Variants in MAN1C1 observed in about 807,000 individuals in gnomAD.
MAN1C1 encodes mannosidase alpha class 1C member 1.
A neutral mutation model predicts 71.5 loss-of-function variants in MAN1C1; 49 were observed. The observed-to-expected ratio is 0.69, with a 90% CI of 0.54 to 0.87. MAN1C1 has a LOEUF of 0.87. MAN1C1 is among the 40% of genes least tolerant of loss of function. The pLI, the probability that MAN1C1 is intolerant of heterozygous loss-of-function variation, is 0.00. For synonymous variants in MAN1C1, 352 were observed against 343.7 expected, an observed-to-expected ratio of 1.02 and a Z score of -0.27; for missense variants, 743 against 835.0, an observed-to-expected ratio of 0.89 and a Z score of 1.36.
intron 2 of MAN1C1, among the ~76,000 whole-genome samples, chr1:25,688,983 A>T (rs1427221748): frequency 2.0e-5 from 3 of 152,150 alleles, no homozygotes; most frequent in Non-Finnish European, 4.4e-5. Flanking sequence ...AGTGAGGCAG[A>T]GCCTTCCCTC....
At chr1:25,709,144 G>C (rs1011966184) in intron 2 of MAN1C1, among the ~76,000 whole-genome samples, 10 of 152,188 alleles carry the variant, frequency 6.6e-5, no homozygotes, top group African/African-American at 2.2e-4. Context: ...CAGGGAGAGA[G>C]TAGGTTTTCC....
chr1:25,782,517 A>G lies in MAN1C1; in HGVS notation c.1651-68A>G. 1 of 1,059,284 alleles carries G rather than the reference A, an allele frequency of 9.4e-7. No homozygotes were observed. Among genetic ancestry groups the G allele is most frequent in the East Asian group, 2.4e-5 (1 of 41,690 alleles). The allele number at this position is 1,059,284 out of a possible 1,614,324, so 65.6% of individuals were successfully genotyped here. A position where few individuals can be genotyped will look rare whatever the true frequency, so the allele number is the denominator to read the frequency against. On this transcript the variant is annotated intron_variant, in intron 10 of 11. Coordinates refer to ENST00000374332, the MANE Select transcript of MAN1C1 (RefSeq NM_020379.4). The surrounding 1 kb of genome is among the most constrained non-coding windows in gnomAD (Gnocchi z 4.4). The stretch of plus-strand genomic sequence containing the variant: ...TCTAGCTCCAGCCTGCCAGGCATGC[A>G]CAAGTCTTGAGGGGCCTTTCCTGTC...
Position 25,618,103 on chromosome 1 carries a change from C to A in MAN1C1, c.306C>A (p.Pro102=). The A allele has an allele frequency of 6.6e-7, 1 of 1,513,740 alleles. No homozygotes were observed. The highest frequency in any genetic ancestry group is 8.8e-7 in the Non-Finnish European group (1 of 1,138,838). 93.8% of individuals were successfully genotyped at this position (1,513,740 alleles called of 1,614,324 possible). The change falls in exon 1 of 12, where the codon CCC becomes CCA. Residue 102 remains proline, a synonymous_variant. Transcript: ENST00000374332. ...ATGACCCCAGCAGCTGGGCCAGTCCCCGCCGCAGGAAAGGGGGGCTGCGGC... is the reference window on the plus strand; with the variant it reads ...ATGACCCCAGCAGCTGGGCCAGTCCACGCCGCAGGAAAGGGGGGCTGCGGC... The part of the protein sequence containing the change: ...GEDDPSSWAS[P]RRRKGGLRRT...
chr1:25,763,609 G>T, intron 6 of MAN1C1: 1 of 467,002 alleles, frequency 2.1e-6, no homozygotes, highest in Non-Finnish European at 3.9e-6. Context: ...GTGGTTCTGG[G>T]GTTGAGACTG....
rs1053828262 is a variant in MAN1C1 at position 25,735,454 on chromosome 1, AT to A, written c.638-11213del. On this transcript the variant is annotated intron_variant, in intron 2 of 11. Transcript: ENST00000374332. The surrounding 1 kb of genome is among the most constrained non-coding windows in gnomAD (Gnocchi z 4.6). ...TGTATGTATGTGTATGTATATATAT[AT>A]GTGTGTATCTATATATGTGTATGTA... Among the ~76,000 whole-genome samples, 2 of 152,062 alleles carry A rather than the reference AT, an allele frequency of 1.3e-5. No individual in the cohort carries two copies. The highest frequency in any genetic ancestry group is 4.8e-5 in the African/African-American group (2 of 41,388).
At chr1:25,690,372 A>G (rs1368097294) in intron 2 of MAN1C1, among the ~76,000 whole-genome samples, 1 of 140,620 alleles carries the variant, frequency 7.1e-6, no homozygotes, top group East Asian at 2.1e-4. Flanking sequence ...AGCTCACTTC[A>G]GCCGCTGCCT....
intron 11 of MAN1C1, among the ~76,000 whole-genome samples, chr1:25,783,343 A>C (rs970121259): frequency 1.3e-5 from 2 of 152,194 alleles, no homozygotes; most frequent in Non-Finnish European, 2.9e-5. Flanking sequence ...ACTGGACTGC[A>C]GCAGCCCTCA....
In MAN1C1 at chr1:25,725,469, T is replaced by A. The variant is rs1344367520; in HGVS notation, c.638-21199T>A. On this transcript the variant is annotated intron_variant, in intron 2 of 11. Coordinates refer to ENST00000374332, the MANE Select transcript of MAN1C1 (RefSeq NM_020379.4). This position sits in a 1 kb window ranked among gnomAD's most constrained non-coding sequence, Gnocchi z 4.8. ...CTTCACAGAGCAGGTTACGTTGAGCTGGGCTTTGAAGAATAAGCTGGAGTC... is the reference window on the plus strand; with the variant it reads ...CTTCACAGAGCAGGTTACGTTGAGCAGGGCTTTGAAGAATAAGCTGGAGTC... 3.3e-5 allele frequency among the ~76,000 whole-genome samples: 5 copies of A among 152,214 alleles called. No individual in the cohort carries two copies. Among genetic ancestry groups the A allele is most frequent in the Non-Finnish European group, 7.3e-5 (5 of 68,032 alleles).
chr1:25,739,871 C>T (rs568350699), intron 2 of MAN1C1, among the ~76,000 whole-genome samples: 2 of 152,268 alleles, frequency 1.3e-5, no homozygotes, highest in East Asian at 1.9e-4. Flanking sequence ...TTCAGCCGAA[C>T]CCCTTACCTT....
rs76190846 is a variant in MAN1C1, at chr1:25,626,212, G to A, written c.540+7875G>A. On this transcript the variant is annotated intron_variant, in intron 1 of 11. Coordinates refer to ENST00000374332, the MANE Select transcript of MAN1C1 (RefSeq NM_020379.4). ...CCATTTTATACTCCACCAGCAATAT[G>A]TGAGAGTTCCGCATCCTTGCCAACA... 1.3e-3 allele frequency among the ~76,000 whole-genome samples: 198 copies of A among 152,330 alleles called. 8 individuals are homozygous for A. The East Asian group carries it at 0.03, about 23-fold the overall frequency.
chr1:25,781,318 C>A, intron 10 of MAN1C1: 1 of 581,104 alleles, frequency 1.7e-6, no homozygotes, highest in Non-Finnish European at 3.1e-6. Context: ...CAGGACAGGC[C>A]AGACTTGTGA....
chr1:25,777,506 GGCCTGGGACAAGCT>G (rs1275908153), intron 8 of MAN1C1: 1 of 152,268 alleles, frequency 6.6e-6, no homozygotes, highest in African/African-American at 2.4e-5. Flanking sequence ...GTGGCTGGGT[GGCCTGGGACAAGCT>G]GCCACACCTC....
chr1:25,658,272 G>T (rs1213572478), intron 1 of MAN1C1, among the ~76,000 whole-genome samples: 1 of 152,204 alleles, frequency 6.6e-6, no homozygotes, highest in Non-Finnish European at 1.5e-5. Context: ...CTTGAAAGTG[G>T]CAGTGTCAGG....
intron 1 of MAN1C1, among the ~76,000 whole-genome samples, chr1:25,664,235 G>A (rs1277739719): frequency 6.6e-6 from 1 of 151,296 alleles, no homozygotes; most frequent in Admixed American, 6.6e-5. Context: ...GTCAATCCTG[G>A]CTTTTAAAAT....
intron 1 of MAN1C1, among the ~76,000 whole-genome samples, chr1:25,665,837 G>C (rs1325664095): frequency 6.8e-6 from 1 of 147,452 alleles, no homozygotes; most frequent in Non-Finnish European, 1.5e-5. Flanking sequence ...GGAATTTTCA[G>C]GTAATACTTG....
intron 1 of MAN1C1, among the ~76,000 whole-genome samples, chr1:25,663,083 T>G (rs980977640): frequency 6.0e-5 from 9 of 149,460 alleles, no homozygotes; most frequent in Non-Finnish European, 1.2e-4. Context: ...AGAGTGAGAC[T>G]CCATCTCAAA....
intron 11 of MAN1C1, 90 bp from the exon 12 acceptor site, chr1:25,783,573 A>G: frequency 1.4e-6 from 2 of 1,458,762 alleles, no homozygotes; most frequent in Non-Finnish European, 9.4e-7. Context: ...GGCCTATCAC[A>G]AAGGCCCTGA....
At chr1:25,691,185 C>T (rs543153649) in intron 2 of MAN1C1, among the ~76,000 whole-genome samples, 3 of 152,214 alleles carry the variant, frequency 2.0e-5, no homozygotes, top group South Asian at 4.2e-4. Flanking sequence ...GACGTGGTGA[C>T]ATGTGTCTAT....
chr1:25,627,526 C>T (rs1223916991), intron 1 of MAN1C1, among the ~76,000 whole-genome samples: 4 of 152,232 alleles, frequency 2.6e-5, no homozygotes, highest in East Asian at 1.9e-4. Context: ...TTGCCCGCCT[C>T]AGCCTCCCAA....
Sources: gnomAD v4.1 joint callset for allele counts (sites outside exome capture counted in the v4.1 genomes callset) on GRCh38, gnomAD v4.1.1 for gene constraint, Gnocchi (gnomAD v3.1) non-coding constraint, MANE v1.5 for transcripts, NCBI Gene and HGNC (gene_info 2026-07-23, HGNC 2026-07-21) for gene names.